MBD5: variants seen among roughly 807,000 people sequenced by gnomAD.
MBD5 encodes methyl-CpG binding domain protein 5.
In MBD5, 13 loss-of-function variants were observed where a neutral mutation model predicts 117.3. The observed-to-expected ratio is 0.11, with a 90% confidence interval of 0.07 to 0.18. MBD5 has a LOEUF of 0.18. Among genes scored for constraint, MBD5 ranks in the 10% least tolerant of loss-of-function variants. The pLI is 1.00. For synonymous variants in MBD5, 727 were observed against 766.4 expected, an observed-to-expected ratio of 0.95 and a Z score of 0.85; for missense variants, 1,879 against 2,093.8, an observed-to-expected ratio of 0.90 and a Z score of 2.00.
intron 3 of MBD5, among the ~76,000 whole-genome samples, chr2:148,294,164 T>A (rs553197825): frequency 6.6e-5 from 10 of 151,778 alleles, no homozygotes; most frequent in African/African-American, 1.9e-4. Flanking sequence ...TATTTCACGT[T>A]CCTTTTTGAA....
At chr2:148,088,633 T>TA (rs997288834) in intron 1 of MBD5, among the ~76,000 whole-genome samples, 5 of 152,094 alleles carry the variant, frequency 3.3e-5, no homozygotes, top group Admixed American at 2.0e-4. Flanking sequence ...GAAAAAGAAA[T>TA]AAAGTTTTTC....
chr2:148,021,483 G>GCTGCTGCTGCTGCTA lies in MBD5; in HGVS notation c.-1099_-1085dup, dbSNP rs755361381. The GCTGCTGCTGCTGCTA allele has an allele frequency of 2.4e-3, 1,340 of 565,666 alleles. 17 individuals carry two copies. The highest frequency in any genetic ancestry group is 3.0e-3 in the Non-Finnish European group (876 of 292,986). 35.0% of individuals were successfully genotyped at this position (565,666 alleles called of 1,614,324 possible). On this transcript the variant is annotated 5_prime_UTR_variant, in exon 1 of 14. Transcript: ENST00000642680. ...TGCTGTTGCTGCTGCTGCTGCTGTT[G>GCTGCTGCTGCTGCTA]CTGCTGCTGCTGCTACTGCTGCTGC...
intron 4 of MBD5, among the ~76,000 whole-genome samples, chr2:148,384,418 CT>C (rs1704272190): frequency 6.6e-6 from 1 of 151,986 alleles, no homozygotes; most frequent in African/African-American, 2.4e-5. Flanking sequence ...TGTGAAGGAC[CT>C]CTTCAAGGAG....
Position 148,407,339 on chromosome 2 carries a change from AGTGT to A in MBD5, c.-556-50837_-556-50834del, listed in dbSNP as rs34324249. On this transcript the variant is annotated intron_variant, in intron 4 of 13. Coordinates refer to ENST00000642680, the MANE Select transcript of MBD5 (RefSeq NM_001378120.1). ...TGTGGAATTTCCCAGTGGCTTTCTG[AGTGT>A]GTGTGTGTGTGTGTGTGTGTGTGTG... is the stretch of plus-strand genomic sequence containing the variant. Among the ~76,000 whole-genome samples, 691 of 140,106 alleles carry A rather than the reference AGTGT, an allele frequency of 4.9e-3. 7 individuals are homozygous for A. Among genetic ancestry groups the A allele is most frequent in the East Asian group, 0.024 (113 of 4,632 alleles). 91.9% of individuals were successfully genotyped at this position (140,106 alleles called of 152,430 possible).
chr2:148,459,669 T>C (rs901007214), intron 5 of MBD5, among the ~76,000 whole-genome samples: 1 of 152,208 alleles, frequency 6.6e-6, no homozygotes, highest in African/African-American at 2.4e-5. Context: ...GATTGATGCA[T>C]TTACTTTCAG....
chr2:148,458,867 G>A lies in MBD5; in HGVS notation c.109G>A (p.Val37Ile), dbSNP rs747911147. 3 of 1,611,984 alleles carry A rather than the reference G, an allele frequency of 1.9e-6. No homozygotes were observed. The highest frequency in any genetic ancestry group is 2.5e-6 in the Non-Finnish European group (3 of 1,178,444). Residue 37 changes from valine (V) to isoleucine (I), a missense_variant, in exon 5 of 14, where the codon GTC (valine) becomes ATC (isoleucine). Around this residue, in one of 4 missense-constraint regions of MBD5, gnomAD observed 71 missense variants for 129.2 expected, o/e 0.55. Coordinates refer to ENST00000642680, the MANE Select transcript of MBD5 (RefSeq NM_001378120.1). ...TGTGGATCAAAATGGAGTGCTTTAT[G>A]TCAGGTAAGTTCTTATTATTACCTG... is the stretch of plus-strand genomic sequence containing the variant. ...RRVDQNGVLYVSPSGSLLSCL... is the reference protein window; with the variant it reads ...RRVDQNGVLYISPSGSLLSCL...
intron 4 of MBD5, among the ~76,000 whole-genome samples, chr2:148,419,727 C>A (rs578101577): frequency 4.6e-5 from 7 of 152,222 alleles, no homozygotes; most frequent in African/African-American, 1.7e-4. Flanking sequence ...TCCAGCCACC[C>A]TCTACCTACC....
chr2:148,485,648 T>A, intron 9 of MBD5, 94 bp from the exon 10 acceptor site: 1 of 931,312 alleles, frequency 1.1e-6, no homozygotes, highest in Middle Eastern at 3.0e-4. Flanking sequence ...AGCATAGCAC[T>A]TAGTTTCTGT....
intron 1 of MBD5, among the ~76,000 whole-genome samples, chr2:148,124,335 G>T (rs140238481): frequency 6.6e-6 from 1 of 151,954 alleles, no homozygotes; most frequent in Admixed American, 6.6e-5. Flanking sequence ...AACCCTGAAG[G>T]TTGGGCACAT....
At chr2:148,241,742 C>A (rs150047532) in intron 3 of MBD5, among the ~76,000 whole-genome samples, 3 of 152,192 alleles carry the variant, frequency 2.0e-5, no homozygotes, top group Admixed American at 1.3e-4. Context: ...GCCATATAAA[C>A]GTAGAATTAT....
At chr2:148,059,159 A>G (rs187989396) in intron 1 of MBD5, among the ~76,000 whole-genome samples, 2 of 152,344 alleles carry the variant, frequency 1.3e-5, no homozygotes, top group Admixed American at 6.5e-5. Flanking sequence ...ATTTGCTTAT[A>G]TTAAAAGTCA....
chr2:148,388,140 A>G (rs1421647935), intron 4 of MBD5, among the ~76,000 whole-genome samples: 2 of 152,214 alleles, frequency 1.3e-5, no homozygotes, highest in African/African-American at 4.8e-5. Flanking sequence ...CAAAGGAACA[A>G]AATACATTGT....
intron 2 of MBD5, among the ~76,000 whole-genome samples, chr2:148,185,170 A>T (rs1698624253): frequency 6.6e-6 from 1 of 152,150 alleles, no homozygotes; most frequent in South Asian, 2.1e-4. Flanking sequence ...TTCCTGTTTT[A>T]TCCTCCCACA....
intron 2 of MBD5, among the ~76,000 whole-genome samples, chr2:148,208,353 G>C (rs1230005094): frequency 6.6e-6 from 1 of 152,050 alleles, no homozygotes; most frequent in Non-Finnish European, 1.5e-5. Flanking sequence ...CCAGGTTCTA[G>C]TGAGATTCTG....
chr2:148,240,818 T>G (rs756335682), intron 3 of MBD5, among the ~76,000 whole-genome samples: 4 of 152,190 alleles, frequency 2.6e-5, no homozygotes, highest in Non-Finnish European at 4.4e-5. Flanking sequence ...GAATTTTTCA[T>G]TTTGATACTA....
Position 148,489,505 on chromosome 2 carries a change from G to A in MBD5, c.3873G>A (p.Glu1291=). The A allele has an allele frequency of 6.2e-7, 1 of 1,614,208 alleles. No individual in the cohort carries two copies. Among genetic ancestry groups the A allele is most frequent in the Non-Finnish European group, 8.5e-7 (1 of 1,180,030 alleles). ...CACCTTTTCAAGATACACCTTGTGAGTTGCAACCGAGGATTGACCCATCTC... is the reference window on the plus strand; with the variant it reads ...CACCTTTTCAAGATACACCTTGTGAATTGCAACCGAGGATTGACCCATCTC... ...TLPPFQDTPC[E]LQPRIDPSLG... Residue 1291 remains glutamate, a synonymous_variant, in exon 11 of 14, where the codon GAG becomes GAA. Transcript: ENST00000642680.
intron 1 of MBD5, among the ~76,000 whole-genome samples, chr2:148,063,991 A>G (rs1167556652): frequency 2.0e-5 from 3 of 151,992 alleles, no homozygotes; most frequent in African/African-American, 7.2e-5. Context: ...TATGTCTAAT[A>G]CTAGCAAACT....
At chr2:148,415,028 T>C (rs558307618) in intron 4 of MBD5, among the ~76,000 whole-genome samples, 5 of 152,330 alleles carry the variant, frequency 3.3e-5, no homozygotes, top group South Asian at 4.1e-4. Flanking sequence ...CTGGTTATTA[T>C]GCAGATTTGA....
intron 1 of MBD5, among the ~76,000 whole-genome samples, chr2:148,148,093 GT>G (rs1420741380): frequency 6.6e-6 from 1 of 152,104 alleles, no homozygotes; most frequent in Non-Finnish European, 1.5e-5. Flanking sequence ...TTGTTAAACA[GT>G]TGCCACTGAT....
Sources: gnomAD v4.1 joint callset for allele counts (sites outside exome capture counted in the v4.1 genomes callset) on GRCh38, gnomAD v4.1.1 for gene constraint, gnomAD v4.1.1 regional missense constraint, MANE v1.5 for transcripts, NCBI Gene and HGNC (gene_info 2026-07-23, HGNC 2026-07-21) for gene names.